ASIC2: variants seen among roughly 807,000 people sequenced by gnomAD.
ASIC2 encodes acid sensing ion channel subunit 2.
Under a neutral mutation model 57.3 loss-of-function variants are expected in ASIC2, and 25 were observed. The observed-to-expected ratio is 0.44, with a 90% CI of 0.32 to 0.61. The LOEUF is 0.61. ASIC2 is among the 20% of genes least tolerant of loss of function. ASIC2 has a pLI of 0.06. For missense variants in ASIC2, 641 were observed against 738.1 expected, an observed-to-expected ratio of 0.87 and a Z score of 1.52; for synonymous variants, 319 against 307.5, an observed-to-expected ratio of 1.04 and a Z score of -0.39.
At chr17:33,863,159 A>G (rs1305900318) in intron 1 of ASIC2, among the ~76,000 whole-genome samples, 2 of 152,244 alleles carry the variant, frequency 1.3e-5, no homozygotes, top group Non-Finnish European at 2.9e-5. Context: ...TGCTTAGAGA[A>G]ATAGAGCAGT....
intron 1 of ASIC2, among the ~76,000 whole-genome samples, chr17:33,798,549 G>A (rs1055016709): frequency 2.6e-5 from 4 of 152,208 alleles, no homozygotes; most frequent in East Asian, 1.9e-4. Context: ...TCTGTGGAGC[G>A]CAGCAGCTCT....
chr17:33,966,242 C>T (rs964354759), intron 1 of ASIC2, among the ~76,000 whole-genome samples: 3 of 152,140 alleles, frequency 2.0e-5, no homozygotes, highest in Non-Finnish European at 4.4e-5. Flanking sequence ...ATTTGTCCTG[C>T]CTGTCTTGCT....
chr17:33,407,944 G>A (rs1301908987), intron 1 of ASIC2, among the ~76,000 whole-genome samples: 1 of 152,196 alleles, frequency 6.6e-6, no homozygotes, highest in Non-Finnish European at 1.5e-5. Flanking sequence ...CCAAATGTCA[G>A]CATGATGATG....
chr17:33,744,455 A>G (rs1424444075), intron 1 of ASIC2, among the ~76,000 whole-genome samples: 1 of 152,228 alleles, frequency 6.6e-6, no homozygotes, highest in Admixed American at 6.5e-5. Context: ...ATCCTAGGTG[A>G]GCACTGAGGA....
At chr17:33,698,983 T>C (rs1402073139) in intron 1 of ASIC2, among the ~76,000 whole-genome samples, 1 of 152,152 alleles carries the variant, frequency 6.6e-6, no homozygotes, top group Non-Finnish European at 1.5e-5. Context: ...TGCTGTCTCC[T>C]CATTGGGAGA....
intron 1 of ASIC2, among the ~76,000 whole-genome samples, chr17:33,920,653 G>A (rs1363628124): frequency 6.6e-5 from 10 of 152,188 alleles, no homozygotes; most frequent in East Asian, 1.9e-4. Context: ...CCAGACTTCA[G>A]CGTCATGCAA....
intron 1 of ASIC2, among the ~76,000 whole-genome samples, chr17:33,572,758 C>G (rs1385832385): frequency 6.6e-6 from 1 of 152,072 alleles, no homozygotes; most frequent in Non-Finnish European, 1.5e-5. Flanking sequence ...ACTAAGCCAC[C>G]CTTAGGAGAT....
chr17:33,353,757 C>T (rs1013904804), intron 1 of ASIC2, among the ~76,000 whole-genome samples: 6 of 152,122 alleles, frequency 3.9e-5, no homozygotes, highest in African/African-American at 1.2e-4. Flanking sequence ...TTTTATGATC[C>T]TCAGTTCTTT....
At chr17:33,464,517 T>C in intron 1 of ASIC2, among the ~76,000 whole-genome samples, 1 of 40,020 alleles carries the variant, frequency 2.5e-5, no homozygotes, top group Admixed American at 2.1e-4. Flanking sequence ...TCTTTCTTTC[T>C]TTCTTTCTTT....
At chr17:33,575,911 A>C (rs554955798) in intron 1 of ASIC2, among the ~76,000 whole-genome samples, 25 of 152,226 alleles carry the variant, frequency 1.6e-4, no homozygotes, top group African/African-American at 6.0e-4. Context: ...TAGAAAGGGG[A>C]TGCCTGCAGA....
chr17:33,923,784 A>G (rs1405070516), intron 1 of ASIC2, among the ~76,000 whole-genome samples: 1 of 152,208 alleles, frequency 6.6e-6, no homozygotes, highest in African/African-American at 2.4e-5. Flanking sequence ...TAGGGCAGAA[A>G]GAAGATAGTA....
chr17:33,263,344 C>T (rs1017406550), intron 1 of ASIC2, among the ~76,000 whole-genome samples: 2 of 152,174 alleles, frequency 1.3e-5, no homozygotes, highest in African/African-American at 2.4e-5. Flanking sequence ...TGTGAGTCCA[C>T]GGGCCTATTG....
At chr17:33,224,509 A>G (rs1331432915) in intron 1 of ASIC2, among the ~76,000 whole-genome samples, 1 of 152,196 alleles carries the variant, frequency 6.6e-6, no homozygotes. Flanking sequence ...GCTAAAATAT[A>G]GAGAGCAAGA....
intron 1 of ASIC2, among the ~76,000 whole-genome samples, chr17:33,986,207 GT>G (rs1002403351): frequency 1.3e-5 from 2 of 150,774 alleles, no homozygotes; most frequent in Non-Finnish European, 3.0e-5. Flanking sequence ...CAGGAATCTG[GT>G]TTTTTTTCCT....
intron 1 of ASIC2, among the ~76,000 whole-genome samples, chr17:33,641,259 C>T (rs1431531363): frequency 1.3e-5 from 2 of 152,266 alleles, no homozygotes; most frequent in East Asian, 1.9e-4. Context: ...ATAGACAGGG[C>T]TGAGAGAGGA....
chr17:33,040,795 T>C (rs2141917155), intron 3 of ASIC2, among the ~76,000 whole-genome samples: 1 of 152,322 alleles, frequency 6.6e-6, no homozygotes, highest in African/African-American at 2.4e-5. Context: ...AGCAAGGCTC[T>C]ATCATTGACA....
chr17:33,405,544 C>T (rs1337661094), intron 1 of ASIC2, among the ~76,000 whole-genome samples: 13 of 145,996 alleles, frequency 8.9e-5, no homozygotes, highest in Admixed American at 3.5e-4. Flanking sequence ...AGAGCAGTGG[C>T]GCGATCTTGG....
intron 1 of ASIC2, among the ~76,000 whole-genome samples, chr17:33,476,598 A>G (rs960277218): frequency 8.1e-5 from 12 of 147,904 alleles, no homozygotes; most frequent in South Asian, 2.1e-4. Context: ...CTGAGCACCA[A>G]TGGAAGAGAG....
intron 1 of ASIC2, among the ~76,000 whole-genome samples, chr17:33,185,627 A>C (rs574014312): frequency 6.6e-6 from 1 of 152,264 alleles, no homozygotes; most frequent in South Asian, 2.1e-4. Context: ...CAGGAAGGCC[A>C]AAAAGCTAGA....
Sources: allele counts gnomAD v4.1 joint callset (sites outside exome capture counted in the v4.1 genomes callset), GRCh38; gene constraint gnomAD v4.1.1; transcripts MANE v1.5; gene names NCBI Gene and HGNC (gene_info 2026-07-23, HGNC 2026-07-21).